Variants in RC3H2 observed in about 807,000 individuals in gnomAD.
The protein encoded by RC3H2 is roquin-2.
A neutral mutation model predicts 133.3 loss-of-function variants in RC3H2; 31 were observed. The ratio of observed to expected loss-of-function variants is 0.23; its 90% CI spans 0.17 to 0.31. The LOEUF is 0.31. RC3H2 is among the 10% of genes least tolerant of loss of function. The pLI is 1.00. For synonymous variants in RC3H2, 517 were observed against 502.2 expected (o/e 1.03, Z -0.40); for missense variants, 1,175 against 1,437.2 (o/e 0.82, Z 2.95).
At chr9:122,866,851 TCTGC>T (rs1830702779) in intron 9 of RC3H2, among the ~76,000 whole-genome samples, 1 of 151,946 alleles carries the variant, frequency 6.6e-6, no homozygotes, top group Admixed American at 6.5e-5. Context: ...GAGGAGCGTC[TCTGC>T]CTGGCCGCCT....
intron 2 of RC3H2, among the ~76,000 whole-genome samples, chr9:122,894,852 T>G (rs1003094280): frequency 6.6e-6 from 1 of 151,932 alleles, no homozygotes; most frequent in Non-Finnish European, 1.5e-5. Context: ...TGCACTCCAG[T>G]CTGGGTGACA....
chr9:122,850,678 C>T (rs1027820214), intron 20 of RC3H2, among the ~76,000 whole-genome samples: 4 of 151,990 alleles, frequency 2.6e-5, no homozygotes, highest in Non-Finnish European at 5.9e-5. Flanking sequence ...TCCTTGTGAT[C>T]CACCCGCCTC....
intron 9 of RC3H2, among the ~76,000 whole-genome samples, chr9:122,873,512 C>A (rs1397113676): frequency 6.6e-6 from 1 of 151,942 alleles, no homozygotes; most frequent in African/African-American, 2.4e-5. Context: ...AGTTCGAGAC[C>A]AGCCTGGGCA....
Position 122,851,091 on chromosome 9 carries a change from G to C in RC3H2, c.3370C>G (p.His1124Asp). The change falls in exon 20 of 21, where the codon CAT (histidine) becomes GAT (aspartate). Residue 1124 changes from histidine to aspartate, a missense_variant. Physicochemically the swap from His to Asp is moderately conservative, Grantham distance 81. This residue lies in a region of RC3H2 where 220 missense variants were observed against 201.1 expected (regional missense o/e 1.09). Transcript: ENST00000357244. ...KQKKQSLGED[H>D]VILEEQKTIL... ...CTGTCTAACACTCACAGAATCACATGGTCTTCACCTAAACTCTGTTTCTTC... is the reference window on the plus strand; with the variant it reads ...CTGTCTAACACTCACAGAATCACATCGTCTTCACCTAAACTCTGTTTCTTC... 1.2e-6 allele frequency: 2 copies of C among 1,614,010 alleles called. No individual in the cohort carries two copies. The highest frequency in any genetic ancestry group is 1.7e-6 in the Non-Finnish European group (2 of 1,180,002).
At position 122,855,332 on chromosome 9, in the gene RC3H2, T is replaced by C. The variant is rs752622707; in HGVS notation, c.2667A>G (p.Glu889=). ...CACTAAAGGGAATTATTGGATCTTC[T>C]TCTTTTGTCCTTCTCTGGGTTTCAA... ...HLFETQRRTK[E]EDPIIPFSDG... is the part of the protein sequence containing the mutation. The change falls in exon 15 of 21, where the codon GAA becomes GAG. Residue 889 remains glutamate, a synonymous_variant. Transcript: ENST00000357244. 116 of 1,614,052 alleles carry C rather than the reference T, an allele frequency of 7.2e-5. No individual in the cohort carries two copies. The highest frequency in any genetic ancestry group is 8.7e-5 in the Non-Finnish European group (103 of 1,180,046).
At chr9:122,865,271 A>C in intron 10 of RC3H2, 78 bp downstream of exon 10, 1 of 1,229,420 alleles carries the variant, frequency 8.1e-7, no homozygotes, top group Non-Finnish European at 1.1e-6. Context: ...ACCGGTATTC[A>C]TCAGCAGAAA....
At chr9:122,883,167 A>C in intron 5 of RC3H2, 37 bp downstream of exon 5, 1 of 1,578,598 alleles carries the variant, frequency 6.3e-7, no homozygotes, top group Non-Finnish European at 8.6e-7. Flanking sequence ...TCTGTCTCAC[A>C]AACAGGCATG....
chr9:122,894,751 G>A (rs924392845), intron 2 of RC3H2, among the ~76,000 whole-genome samples: 3 of 152,082 alleles, frequency 2.0e-5, no homozygotes, highest in African/African-American at 7.2e-5. Context: ...ATGGTGGCAC[G>A]CACCTGCAAC....
rs775508072 is a variant in RC3H2, at chr9:122,859,948, T to C, written c.1818A>G (p.Ile606Met). 2.5e-6 allele frequency: 4 copies of C among 1,613,942 alleles called. No individual in the cohort carries two copies. In the South Asian group the frequency reaches 4.4e-5, roughly 18 times the overall value. Residue 606 changes from isoleucine (I) to methionine (M), a missense_variant, in exon 11 of 21, where the codon ATA becomes ATG. Coordinates refer to ENST00000357244, the MANE Select transcript of RC3H2 (RefSeq NM_001100588.3). ...GTGGGTACTGTGGGACTTCAAAGGG[T>C]ATCTGAGTCCTTGGATCTTGAAAAT... is the stretch of plus-strand genomic sequence containing the variant. Reference protein sequence around the residue: ...IQYFQDPRTQIPFEVPQYPQT... With the variant: ...IQYFQDPRTQMPFEVPQYPQT...
chr9:122,876,460 T>C (rs1250182302), intron 9 of RC3H2, among the ~76,000 whole-genome samples: 1 of 151,944 alleles, frequency 6.6e-6, no homozygotes, highest in African/African-American at 2.4e-5. Flanking sequence ...AAACCCTGTC[T>C]CTACTAAAAA....
rs777469914 is a variant in RC3H2, at chr9:122,858,923, G to A, written c.2029C>T (p.Pro677Ser). ...MNSSPYQPPP[P>S]QPYGPVPPVP... ...GGAGGAACTGGTCCATACGGCTGCG[G>A]AGGAGGAGGCTGGTAAGGAGAAGAA... Residue 677 changes from proline to serine, a missense_variant, in exon 12 of 21, where the codon CCG becomes TCG. This residue lies in a region of RC3H2 where 490 missense variants were observed against 492.8 expected (regional missense o/e 0.99). Coordinates refer to ENST00000357244, the MANE Select transcript of RC3H2 (RefSeq NM_001100588.3). 2 of 1,614,256 alleles carry A rather than the reference G, an allele frequency of 1.2e-6. No homozygotes were observed. Among genetic ancestry groups the A allele is most frequent in the South Asian group, 2.2e-5 (2 of 91,080 alleles).
At chr9:122,888,764 T>C (rs574890686) in intron 4 of RC3H2, among the ~76,000 whole-genome samples, 1 of 152,332 alleles carries the variant, frequency 6.6e-6, no homozygotes, top group East Asian at 1.9e-4. Context: ...TTCCAGATGT[T>C]TGCTATTACA....
intron 4 of RC3H2, among the ~76,000 whole-genome samples, chr9:122,888,620 G>T (rs1346702753): frequency 6.6e-6 from 1 of 152,080 alleles, no homozygotes; most frequent in Non-Finnish European, 1.5e-5. Flanking sequence ...ACTTACCAAC[G>T]TATCTGGAGG....
At chr9:122,874,846 A>G (rs1831264000) in intron 9 of RC3H2, 1 of 195,750 alleles carries the variant, frequency 5.1e-6, no homozygotes, top group African/African-American at 2.3e-5. Flanking sequence ...TACTGCTACT[A>G]TTACAAGTCT....
chr9:122,878,569 C>A (rs1037825324), intron 8 of RC3H2, among the ~76,000 whole-genome samples: 9 of 151,796 alleles, frequency 5.9e-5, no homozygotes, highest in African/African-American at 2.2e-4. Context: ...CGCGCCCAGC[C>A]CCCTGACAGC....
Position 122,883,225 on chromosome 9 carries a change from C to G in RC3H2, c.738G>C (p.Leu246=), listed in dbSNP as rs202078403. Residue 246 remains leucine (L), a synonymous_variant, in exon 5 of 21, where the codon CTG becomes CTC. Transcript: ENST00000357244. ...KTSIGHVVQL[L]YRASCFKVTK... The stretch of plus-strand genomic sequence containing the variant: ...TTACCTTAAAACAAGAAGCTCGATA[C>G]AGTAGTTGCACAACATGACCAATAC... 2.5e-6 allele frequency: 4 copies of G among 1,613,146 alleles called. No individual in the cohort carries two copies. The African/African-American group carries it at 5.3e-5, about 22-fold the overall frequency.
At position 122,879,843 on chromosome 9, in the gene RC3H2, T is replaced by C; in HGVS notation, c.1124A>G (p.Glu375Gly). Residue 375 changes from glutamate to glycine, a missense_variant, in exon 8 of 21, where the codon GAA becomes GGA. Physicochemically the swap from Glu to Gly is moderately conservative, Grantham distance 98. This residue lies in a region of RC3H2 where 131 missense variants were observed against 154.2 expected (regional missense o/e 0.85). Transcript: ENST00000357244. ...TGTTTTAACAGCTACCATTGCATTT[T>C]CCAGCTGCTCCCAAGTTGGTGAAAC... ...DAVSPTWEQL[E>G]NAMVAVKTVV... The C allele has an allele frequency of 6.2e-7, 1 of 1,614,170 alleles. No homozygotes were observed. Among genetic ancestry groups the C allele is most frequent in the Non-Finnish European group, 8.5e-7 (1 of 1,180,026 alleles).
intron 8 of RC3H2, among the ~76,000 whole-genome samples, chr9:122,878,802 G>A (rs1831459271): frequency 6.6e-6 from 1 of 151,908 alleles, no homozygotes; most frequent in African/African-American, 2.4e-5. Context: ...AGGCTGGAGT[G>A]CAGTGGCGCG....
At chr9:122,875,058 G>A (rs1204645860) in intron 9 of RC3H2, 1 of 1,104,664 alleles carries the variant, frequency 9.1e-7, no homozygotes, top group Non-Finnish European at 1.2e-6. Flanking sequence ...CTCTATTTCA[G>A]GTATGGACAA....
Sources: gnomAD v4.1 joint callset for allele counts (sites outside exome capture counted in the v4.1 genomes callset) on GRCh38, gnomAD v4.1.1 for gene constraint, gnomAD v4.1.1 regional missense constraint, MANE v1.5 for transcripts, NCBI Gene and HGNC (gene_info 2026-07-23, HGNC 2026-07-21) for gene names.